The following KCNQ1OT1 variants were observed in gnomAD, a reference collection of about 807,000 sequenced individuals.
KCNQ1OT1 encodes KCNQ1 opposite strand/antisense transcript 1.
exon 1 of KCNQ1OT1, chr11:2,625,019 G>A (rs1287201166): frequency 2.5e-6 from 1 of 398,532 alleles, no homozygotes. Context: ...TGTTTTAACT[G>A]TTGTAAATAA....
rs1289175155 is a variant in KCNQ1OT1, at chr11:2,663,260, C to T, written n.36735G>A. ...TCACTGGAAAGCAGGGGTGACTAGTCATGGACACCCTGAGAATAGGGCTCT... is the reference window on the plus strand; with the variant it reads ...TCACTGGAAAGCAGGGGTGACTAGTTATGGACACCCTGAGAATAGGGCTCT... On this transcript the variant is annotated non_coding_transcript_exon_variant, in exon 1 of 1. Coordinates refer to ENST00000597346, the Ensembl canonical transcript of KCNQ1OT1. This position sits in a 1 kb window ranked among gnomAD's most constrained non-coding sequence, Gnocchi z 5.2. 2.5e-6 allele frequency: 1 copy of T among 398,716 alleles called. No homozygotes were observed. 24.7% of individuals were successfully genotyped at this position (398,716 alleles called of 1,614,324 possible).
Position 2,624,737 on chromosome 11 carries a change from C to T in KCNQ1OT1, n.75258G>A, listed in dbSNP as rs1849235477. 4 of 398,228 alleles carry T rather than the reference C, an allele frequency of 1.0e-5. No homozygotes were observed. The South Asian group carries it at 5.1e-4, about 51-fold the overall frequency. 24.7% of individuals were successfully genotyped at this position (398,228 alleles called of 1,614,324 possible). A position where few individuals can be genotyped will look rare whatever the true frequency, so the allele number is the denominator to read the frequency against. ...CTCTATATCCATTAAACAATAATTC[C>T]CCAACCCCCCCACCACCGCCATCTC... On this transcript the variant is annotated non_coding_transcript_exon_variant, in exon 1 of 1. Coordinates refer to ENST00000597346, the Ensembl canonical transcript of KCNQ1OT1. The surrounding 1 kb of genome is among the most constrained non-coding windows in gnomAD (Gnocchi z 4.9).
exon 1 of KCNQ1OT1, chr11:2,672,275 A>T: frequency 2.5e-6 from 1 of 398,648 alleles, no homozygotes; most frequent in Non-Finnish European, 4.4e-6. Flanking sequence ...CTGCCCCACG[A>T]ACCCCACCAG....
At chr11:2,694,618 T>C (rs1007395991) in exon 1 of KCNQ1OT1, 10 of 398,478 alleles carry the variant, frequency 2.5e-5, no homozygotes, top group African/African-American at 1.9e-4. Context: ...GTTCAATAAA[T>C]GAATGAAACC....
chr11:2,649,000 T>C (rs78872795), exon 1 of KCNQ1OT1: 2 of 394,722 alleles, frequency 5.1e-6, no homozygotes, highest in Non-Finnish European at 8.9e-6. Context: ...TTTTTTTTTT[T>C]TTTTGACTCA....
At chr11:2,628,375 C>G (rs1849294259) in exon 1 of KCNQ1OT1, 1 of 398,348 alleles carries the variant, frequency 2.5e-6, no homozygotes, top group Non-Finnish European at 4.4e-6. Flanking sequence ...ATTTGCATTT[C>G]CCTGATGATA....
exon 1 of KCNQ1OT1, chr11:2,688,585 C>T (rs1464366753): frequency 5.0e-6 from 2 of 398,610 alleles, no homozygotes; most frequent in South Asian, 1.3e-4. Context: ...CCAGTGCTCG[C>T]TCACTGAGGC....
Position 2,653,227 on chromosome 11 carries a change from G to C in KCNQ1OT1, n.46768C>G. On this transcript the variant is annotated non_coding_transcript_exon_variant, in exon 1 of 1. Transcript: ENST00000597346. The surrounding 1 kb of genome is among the most constrained non-coding windows in gnomAD (Gnocchi z 5.3). ...GCTAGGGCCAGGGCCTTGGCCTCAG[G>C]CCAGCTTCTTTCCCACAAGCCTTCT... The C allele has an allele frequency of 2.5e-6, 1 of 398,756 alleles. No homozygotes were observed. The highest frequency in any genetic ancestry group is 4.4e-6 in the Non-Finnish European group (1 of 226,122). The allele number at this position is 398,756 out of a possible 1,614,324, so 24.7% of individuals were successfully genotyped here.
exon 1 of KCNQ1OT1, chr11:2,616,880 T>G (rs1469726476): frequency 2.5e-6 from 1 of 398,118 alleles, no homozygotes; most frequent in African/African-American, 2.1e-5. Context: ...CATATATGTT[T>G]GTAGGTCTAG....
chr11:2,689,141 G>C (rs1006313125), exon 1 of KCNQ1OT1: 3 of 398,620 alleles, frequency 7.5e-6, no homozygotes, highest in Non-Finnish European at 1.3e-5. Context: ...GAGACCCTAA[G>C]GAGAGCTACA....
exon 1 of KCNQ1OT1, chr11:2,699,580 C>T (rs960344596): frequency 2.1e-5 from 5 of 243,762 alleles, no homozygotes; most frequent in South Asian, 2.8e-4. Context: ...GAGGAGCCCC[C>T]GGGGAGAACA....
Position 2,668,078 on chromosome 11 carries a change from C to G in KCNQ1OT1, n.31917G>C, listed in dbSNP as rs12294861. On this transcript the variant is annotated non_coding_transcript_exon_variant, in exon 1 of 1. Transcript: ENST00000597346. This position sits in a 1 kb window ranked among gnomAD's most constrained non-coding sequence, Gnocchi z 4.3. ...TTTATGCGGTGGGAATGATGCAACT[C>G]ATACACCTTTGTGTCCAATGTCCCT... 4,260 of 398,590 alleles carry G rather than the reference C, an allele frequency of 0.011. 163 individuals are homozygous for G. The highest frequency in any genetic ancestry group is 0.078 in the African/African-American group (3,820 of 48,696). The allele number at this position is 398,590 out of a possible 1,614,324, so 24.7% of individuals were successfully genotyped here.
chr11:2,682,931 C>A lies in KCNQ1OT1; in HGVS notation n.17064G>T. The A allele has an allele frequency of 2.5e-6, 1 of 398,570 alleles. No individual in the cohort carries two copies. Among genetic ancestry groups the A allele is most frequent in the South Asian group, 1.3e-4 (1 of 7,824 alleles). The allele number at this position is 398,570 out of a possible 1,614,324, so 24.7% of individuals were successfully genotyped here. A position where few individuals can be genotyped will look rare whatever the true frequency, so the allele number is the denominator to read the frequency against. On this transcript the variant is annotated non_coding_transcript_exon_variant, in exon 1 of 1. Coordinates refer to ENST00000597346, the Ensembl canonical transcript of KCNQ1OT1. The surrounding 1 kb of genome is among the most constrained non-coding windows in gnomAD (Gnocchi z 5.8). ...GTGGCACCTGGAGAGGTGCTCAGGT[C>A]TGTGTGGAAGAAAGGACAGGAGTCC...
exon 1 of KCNQ1OT1, chr11:2,662,492 T>G (rs1233898821): frequency 1.3e-5 from 6 of 457,490 alleles, no homozygotes; most frequent in Non-Finnish European, 2.3e-5. Context: ...TTGCTGCTGC[T>G]GTCCTCAGGG....
exon 1 of KCNQ1OT1, chr11:2,635,206 T>C (rs932811185): frequency 3.3e-5 from 5 of 152,208 alleles, no homozygotes; most frequent in East Asian, 1.9e-4. Context: ...TTTGTCAATT[T>C]TGGCTTTTGT....
chr11:2,620,506 G>A lies in KCNQ1OT1; in HGVS notation n.79489C>T, dbSNP rs529147136. 14 of 374,596 alleles carry A rather than the reference G, an allele frequency of 3.7e-5. No individual in the cohort carries two copies. The highest frequency in any genetic ancestry group is 1.8e-4 in the Admixed American group (4 of 21,806). The allele number at this position is 374,596 out of a possible 1,614,324, so 23.2% of individuals were successfully genotyped here. ...GCTGGGATTACAGGTGAGAGCTACC[G>A]CACCTGGCCGAATTCATTCATTTTT... On this transcript the variant is annotated non_coding_transcript_exon_variant, in exon 1 of 1. Transcript: ENST00000597346. The surrounding 1 kb of genome is among the most constrained non-coding windows in gnomAD (Gnocchi z 4.5).
chr11:2,664,412 G>T lies in KCNQ1OT1; in HGVS notation n.35583C>A. On this transcript the variant is annotated non_coding_transcript_exon_variant, in exon 1 of 1. Coordinates refer to ENST00000597346, the Ensembl canonical transcript of KCNQ1OT1. The surrounding 1 kb of genome is among the most constrained non-coding windows in gnomAD (Gnocchi z 5.1). ...GAGGCCTGAAGGGGAGAGTGGGCACGTACAGTGTCAGGGCCTAGGAACCCA... is the reference window on the plus strand; with the variant it reads ...GAGGCCTGAAGGGGAGAGTGGGCACTTACAGTGTCAGGGCCTAGGAACCCA... 1 of 398,692 alleles carries T rather than the reference G, an allele frequency of 2.5e-6. No individual in the cohort carries two copies. Among genetic ancestry groups the T allele is most frequent in the Non-Finnish European group, 4.4e-6 (1 of 226,138 alleles). The allele number at this position is 398,692 out of a possible 1,614,324, so 24.7% of individuals were successfully genotyped here.
Position 2,653,189 on chromosome 11 carries a change from G to A in KCNQ1OT1, n.46806C>T, listed in dbSNP as rs1408639268. The A allele has an allele frequency of 5.0e-6, 2 of 398,742 alleles. No homozygotes were observed. The highest frequency in any genetic ancestry group is 7.1e-5 in the East Asian group (2 of 28,070). 24.7% of individuals were successfully genotyped at this position (398,742 alleles called of 1,614,324 possible). On this transcript the variant is annotated non_coding_transcript_exon_variant, in exon 1 of 1. Transcript: ENST00000597346. The surrounding 1 kb of genome is among the most constrained non-coding windows in gnomAD (Gnocchi z 5.3). ...GGAAATCCCTTTCCAAGAGTTCCCT[G>A]TGCTGTTGCAGGGCTAGGGCCAGGG...
At chr11:2,648,631 G>A (rs565962269) in exon 1 of KCNQ1OT1, 1 of 398,386 alleles carries the variant, frequency 2.5e-6, no homozygotes, top group Non-Finnish European at 4.4e-6. Context: ...TGTGGTCTGA[G>A]AAGATACTTG....
Sources: allele counts gnomAD v4.1 joint callset, GRCh38; gene constraint gnomAD v4.1.1; non-coding constraint Gnocchi (gnomAD v3.1); transcripts MANE v1.5; gene names NCBI Gene and HGNC (gene_info 2026-07-23, HGNC 2026-07-21).